Variants in TBC1D5 observed in about 807,000 individuals in gnomAD.
TBC1D5 encodes the protein TBC1 domain family member 5.
Under a neutral mutation model 100.3 loss-of-function variants are expected in TBC1D5, and 75 were observed. That is an observed-to-expected ratio of 0.75 (90% CI 0.62 to 0.91). The LOEUF (loss-of-function observed/expected upper bound fraction) is 0.91, where lower values mean the gene tolerates loss of function less well. Ranked by LOEUF, TBC1D5 falls within the 40% of genes least tolerant of loss-of-function variation. The pLI is 0.00. For synonymous variants in TBC1D5, 323 were observed against 325.6 expected (o/e 0.99, Z 0.09); for missense variants, 910 against 942.4 (o/e 0.97, Z 0.45).
intron 3 of TBC1D5, among the ~76,000 whole-genome samples, chr3:17,430,530 T>C (rs1224340600): frequency 6.6e-6 from 1 of 151,862 alleles, no homozygotes; most frequent in African/African-American, 2.4e-5. Flanking sequence ...AAAAAAGCAG[T>C]TTTTCTTTCT....
At chr3:17,500,402 C>G (rs959177559) in intron 3 of TBC1D5, among the ~76,000 whole-genome samples, 1 of 149,112 alleles carries the variant, frequency 6.7e-6, no homozygotes, top group Non-Finnish European at 1.5e-5. Flanking sequence ...AACATTAAAG[C>G]GTAAGAATAT....
chr3:17,537,706 C>T (rs1240149343), intron 2 of TBC1D5, among the ~76,000 whole-genome samples: 1 of 152,154 alleles, frequency 6.6e-6, no homozygotes. Flanking sequence ...ATAATGTTAT[C>T]AAGGTTCACA....
At chr3:17,672,163 CAT>C (rs2068015299) in intron 1 of TBC1D5, among the ~76,000 whole-genome samples, 1 of 152,126 alleles carries the variant, frequency 6.6e-6, no homozygotes, top group South Asian at 2.1e-4. Flanking sequence ...TACTTTTAAA[CAT>C]ATGACTTCTA....
chr3:17,674,940 C>T (rs1275616652), intron 1 of TBC1D5, among the ~76,000 whole-genome samples: 1 of 151,892 alleles, frequency 6.6e-6, no homozygotes, highest in Non-Finnish European at 1.5e-5. Flanking sequence ...AATGAAAATA[C>T]GTGAACATAG....
chr3:17,608,944 G>C (rs2061506139), intron 2 of TBC1D5, among the ~76,000 whole-genome samples: 1 of 152,100 alleles, frequency 6.6e-6, no homozygotes, highest in Non-Finnish European at 1.5e-5. Context: ...TCCCCACCCA[G>C]CTCTGCAGCC....
chr3:17,457,990 C>T (rs1186060113), intron 3 of TBC1D5, among the ~76,000 whole-genome samples: 2 of 152,128 alleles, frequency 1.3e-5, no homozygotes, highest in Non-Finnish European at 2.9e-5. Context: ...ATATTTCTTT[C>T]TTCATTTTCA....
At chr3:17,173,793 C>T (rs1184951062) in intron 19 of TBC1D5, among the ~76,000 whole-genome samples, 3 of 152,110 alleles carry the variant, frequency 2.0e-5, no homozygotes, top group Non-Finnish European at 2.9e-5. Context: ...AGGAACTATG[C>T]ATGCTGTTAT....
At chr3:17,636,807 A>AC (rs1272152582) in intron 1 of TBC1D5, among the ~76,000 whole-genome samples, 1 of 151,934 alleles carries the variant, frequency 6.6e-6, no homozygotes, top group East Asian at 1.9e-4. Flanking sequence ...TCTCAAAAAA[A>AC]AAAAGAATAT....
At chr3:17,620,143 T>C (rs2062530288) in intron 2 of TBC1D5, among the ~76,000 whole-genome samples, 1 of 152,226 alleles carries the variant, frequency 6.6e-6, no homozygotes, top group African/African-American at 2.4e-5. Context: ...TGAACCTTTT[T>C]GCCGTTGTTG....
At position 17,512,927 on chromosome 3, in the gene TBC1D5, ACTT is replaced by A. The variant is rs574173895; in HGVS notation, c.-35-4325_-35-4323del. Among the ~76,000 whole-genome samples, 439 of 152,328 alleles carry A rather than the reference ACTT, an allele frequency of 2.9e-3. 2 individuals carry two copies. Among genetic ancestry groups the A allele is most frequent in the Non-Finnish European group, 5.3e-3 (358 of 68,036 alleles). ...AAAAGTGATCTGTCTGAAAGAAAAG[ACTT>A]CTTCTGCAAATAGTTAATTTTTAAT... On this transcript the variant is annotated intron_variant, in intron 2 of 21. Transcript: ENST00000253692.
chr3:17,570,967 A>C (rs2096623527), intron 2 of TBC1D5, among the ~76,000 whole-genome samples: 1 of 151,972 alleles, frequency 6.6e-6, no homozygotes, highest in Non-Finnish European at 1.5e-5. Flanking sequence ...GAGGTGTTTC[A>C]CCTCTCTAAT....
At chr3:17,202,576 T>C (rs989391920) in intron 18 of TBC1D5, among the ~76,000 whole-genome samples, 3 of 152,198 alleles carry the variant, frequency 2.0e-5, no homozygotes, top group Non-Finnish European at 4.4e-5. Context: ...GCTGCTTCCA[T>C]CACAGGCCTA....
At chr3:17,705,651 G>A (rs1175171010) in intron 1 of TBC1D5, among the ~76,000 whole-genome samples, 5 of 135,692 alleles carry the variant, frequency 3.7e-5, no homozygotes, top group Non-Finnish European at 6.4e-5. Context: ...CAGACGATGG[G>A]CGGCCGGGCA....
At chr3:17,344,341 G>T (rs1402927489) in intron 13 of TBC1D5, among the ~76,000 whole-genome samples, 2 of 152,106 alleles carry the variant, frequency 1.3e-5, no homozygotes, top group South Asian at 2.1e-4. Flanking sequence ...ATAAAATACT[G>T]AGGAATCCCA....
At chr3:17,496,243 T>G (rs1341779188) in intron 3 of TBC1D5, among the ~76,000 whole-genome samples, 1 of 152,242 alleles carries the variant, frequency 6.6e-6, no homozygotes, top group Non-Finnish European at 1.5e-5. Flanking sequence ...ATTGTTAAAG[T>G]AAATTACTCA....
chr3:17,244,030 G>A (rs189363834), intron 16 of TBC1D5, among the ~76,000 whole-genome samples: 15 of 152,268 alleles, frequency 9.9e-5, no homozygotes, highest in Admixed American at 4.6e-4. Context: ...TGCCATGAAG[G>A]AAAGCAGCCC....
At chr3:17,678,913 T>A (rs1238234151) in intron 1 of TBC1D5, among the ~76,000 whole-genome samples, 1 of 151,106 alleles carries the variant, frequency 6.6e-6, no homozygotes, top group Non-Finnish European at 1.5e-5. Context: ...TGGCAATGGA[T>A]TTCTCAGTAG....
At chr3:17,540,732 C>A (rs545401174) in intron 2 of TBC1D5, among the ~76,000 whole-genome samples, 20 of 151,610 alleles carry the variant, frequency 1.3e-4, no homozygotes, top group Non-Finnish European at 2.5e-4. Context: ...CATGGTGAAA[C>A]CCCGTCTCTA....
intron 16 of TBC1D5, among the ~76,000 whole-genome samples, chr3:17,247,979 C>A (rs1300053811): frequency 6.6e-6 from 1 of 150,434 alleles, no homozygotes; most frequent in Non-Finnish European, 1.5e-5. Context: ...GTGGTTACTT[C>A]CTCCACTAAT....
Sources: allele counts gnomAD v4.1 joint callset (sites outside exome capture counted in the v4.1 genomes callset), GRCh38; gene constraint gnomAD v4.1.1; transcripts MANE v1.5; gene names NCBI Gene and HGNC (gene_info 2026-07-23, HGNC 2026-07-21).